Variants in EMP2 observed in about 807,000 individuals in gnomAD.
EMP2 encodes epithelial membrane protein 2.
Under a neutral mutation model 13.7 loss-of-function variants are expected in EMP2, and 19 were observed. The ratio of observed to expected loss-of-function variants is 1.38; its 90% CI spans 0.97 to 2.03. The LOEUF is 2.03. Among genes scored for constraint, EMP2 ranks in the 30% most tolerant of loss-of-function variants. The probability of loss-of-function intolerance (pLI) is 0.00; values close to 1 mark genes in which losing one functional copy is unlikely to be tolerated. For missense variants in EMP2, 253 were observed against 220.7 expected (o/e 1.15, Z -0.93); for synonymous variants, 97 against 84.7 (o/e 1.15, Z -0.80).
intron 4 of EMP2, 123 bp downstream of exon 4, chr16:10,537,805 A>G: frequency 8.0e-7 from 1 of 1,254,954 alleles, no homozygotes; most frequent in Non-Finnish European, 1.1e-6. Flanking sequence ...GGCACACAGC[A>G]CCGCGCGGCT....
chr16:10,558,036 T>TTC (rs894103109), intron 1 of EMP2, among the ~76,000 whole-genome samples: 1 of 151,318 alleles, frequency 6.6e-6, no homozygotes, highest in Admixed American at 6.6e-5. Context: ...TTCAAGTTTT[T>TTC]TTTTTTTTTT....
At chr16:10,563,310 G>T (rs12933265) in intron 1 of EMP2, among the ~76,000 whole-genome samples, 2 of 152,242 alleles carry the variant, frequency 1.3e-5, no homozygotes, top group Admixed American at 1.3e-4. Context: ...TCCTGCCTCA[G>T]TCTCCCAAGT....
chr16:10,556,648 A>T (rs921911473), intron 1 of EMP2, among the ~76,000 whole-genome samples: 1 of 152,244 alleles, frequency 6.6e-6, no homozygotes, highest in East Asian at 1.9e-4. Context: ...CCTCATGACT[A>T]AAGGTCAAGC....
At chr16:10,579,456 G>A (rs1443216969) in intron 1 of EMP2, among the ~76,000 whole-genome samples, 1 of 152,040 alleles carries the variant, frequency 6.6e-6, no homozygotes, top group South Asian at 2.1e-4. Context: ...TCACGATACT[G>A]TGTAACCATT....
At chr16:10,558,622 G>C (rs2050849924) in intron 1 of EMP2, among the ~76,000 whole-genome samples, 1 of 152,080 alleles carries the variant, frequency 6.6e-6, no homozygotes, top group Admixed American at 6.6e-5. Context: ...TCACCATGAG[G>C]TTCTCGTGGA....
chr16:10,543,617 A>G lies in EMP2; in HGVS notation c.122T>C (p.Ile41Thr). 1 of 1,614,234 alleles carries G rather than the reference A, an allele frequency of 6.2e-7. No individual in the cohort carries two copies. Among genetic ancestry groups the G allele is most frequent in the South Asian group, 1.1e-5 (1 of 91,084 alleles). Residue 41 changes from isoleucine (I) to threonine (T), a missense_variant, in exon 3 of 5, where the codon ATA (isoleucine) becomes ACA (threonine). Ile to Thr is a moderately conservative substitution (Grantham distance 89). Transcript: ENST00000359543. ...GDEFFADVWR[I>T]CTNNTNCTVI... The stretch of plus-strand genomic sequence containing the variant: ...TGTGCAATTCGTGTTGTTGGTACAT[A>G]TTCTCCAGACATCTGCAAAAAACTC...
chr16:10,539,687 G>A lies in EMP2; in HGVS notation c.170-1613C>T, dbSNP rs140913310. On this transcript the variant is annotated intron_variant, in intron 3 of 4. Coordinates refer to ENST00000359543, the MANE Select transcript of EMP2 (RefSeq NM_001424.6). ...CAAACTGAGCCCTTAAGAAGCCTGC[G>A]TTTCCTTGTTTGTAAATTATAACTC... is the stretch of plus-strand genomic sequence containing the variant. 3.1e-3 allele frequency among the ~76,000 whole-genome samples: 466 copies of A among 152,090 alleles called. 2 individuals carry two copies. The highest frequency in any genetic ancestry group is 4.5e-3 in the Non-Finnish European group (305 of 67,998).
intron 4 of EMP2, among the ~76,000 whole-genome samples, chr16:10,535,949 C>T (rs2142168772): frequency 6.6e-6 from 1 of 152,316 alleles, no homozygotes; most frequent in African/African-American, 2.4e-5. Flanking sequence ...CAGGCTCTAA[C>T]CCAGCAGATG....
At chr16:10,562,147 T>G (rs535666075) in intron 1 of EMP2, among the ~76,000 whole-genome samples, 2 of 152,084 alleles carry the variant, frequency 1.3e-5, no homozygotes, top group African/African-American at 4.8e-5. Context: ...ATATCCCACA[T>G]GTGCATGAGT....
intron 1 of EMP2, chr16:10,576,781 A>G (rs1167313476): frequency 2.0e-5 from 3 of 152,228 alleles, no homozygotes; most frequent in Non-Finnish European, 4.4e-5. Context: ...GAGATACTGC[A>G]TGAACAAAAC....
intron 1 of EMP2, among the ~76,000 whole-genome samples, chr16:10,569,625 C>A (rs567128963): frequency 6.6e-6 from 1 of 152,272 alleles, no homozygotes; most frequent in South Asian, 2.1e-4. Context: ...CAGCCCGATT[C>A]ATTTTTAAAC....
chr16:10,538,470 G>A (rs72781726), intron 3 of EMP2, among the ~76,000 whole-genome samples: 5 of 152,174 alleles, frequency 3.3e-5, no homozygotes, highest in Non-Finnish European at 7.4e-5. Flanking sequence ...CTCCATTTTA[G>A]AGAGGGATTC....
At chr16:10,540,701 T>C (rs2050688888) in intron 3 of EMP2, among the ~76,000 whole-genome samples, 1 of 152,106 alleles carries the variant, frequency 6.6e-6, no homozygotes, top group African/African-American at 2.4e-5. Flanking sequence ...TGCCCAGACT[T>C]TGATAACATC....
intron 1 of EMP2, among the ~76,000 whole-genome samples, chr16:10,573,929 C>CA (rs1567211464): frequency 5.1e-5 from 7 of 138,266 alleles, no homozygotes; most frequent in South Asian, 2.5e-4. Flanking sequence ...AATGGATAAA[C>CA]CTTTTTTTTT....
At chr16:10,556,562 C>G (rs961057966) in intron 1 of EMP2, among the ~76,000 whole-genome samples, 1 of 152,122 alleles carries the variant, frequency 6.6e-6, no homozygotes, top group East Asian at 1.9e-4. Flanking sequence ...CAACATAACC[C>G]CAAGATAAGT....
intron 1 of EMP2, among the ~76,000 whole-genome samples, chr16:10,560,096 A>G (rs990050248): frequency 6.6e-6 from 1 of 152,148 alleles, no homozygotes; most frequent in Admixed American, 6.6e-5. Context: ...CAGAGAAACC[A>G]TTATCTAGCC....
chr16:10,562,852 T>C (rs551836251), intron 1 of EMP2, among the ~76,000 whole-genome samples: 1 of 152,340 alleles, frequency 6.6e-6, no homozygotes, highest in East Asian at 1.9e-4. Flanking sequence ...ACTGCCATCC[T>C]GCCAATGACT....
chr16:10,553,789 T>G (rs2050807111), intron 1 of EMP2, among the ~76,000 whole-genome samples: 1 of 152,244 alleles, frequency 6.6e-6, no homozygotes, highest in Admixed American at 6.5e-5. Flanking sequence ...GCTTCCGGAC[T>G]TTCTGCGGCT....
At chr16:10,575,285 G>A (rs184533860) in intron 1 of EMP2, among the ~76,000 whole-genome samples, 3 of 79,398 alleles carry the variant, frequency 3.8e-5, no homozygotes, top group Non-Finnish European at 2.4e-5. Flanking sequence ...ACAGAGTCTC[G>A]CTCCGTCGCC....
Sources: gnomAD v4.1 joint callset for allele counts (sites outside exome capture counted in the v4.1 genomes callset) on GRCh38, gnomAD v4.1.1 for gene constraint, MANE v1.5 for transcripts, NCBI Gene and HGNC (gene_info 2026-07-23, HGNC 2026-07-21) for gene names.